The following ANGPTL2 variants were observed in gnomAD, a reference collection of about 807,000 sequenced individuals.
ANGPTL2 encodes the protein angiopoietin like 2, also known as angiopoietin-related protein 2.
A neutral mutation model predicts 52.8 loss-of-function variants in ANGPTL2; 25 were observed. The observed-to-expected ratio is 0.47, with a 90% CI of 0.35 to 0.66. The LOEUF is 0.66. ANGPTL2 is among the 30% of genes least tolerant of loss of function. ANGPTL2 has a pLI of 0.01. For missense variants in ANGPTL2, 546 were observed against 656.9 expected (o/e 0.83, Z 1.84); for synonymous variants, 276 against 277.4 (o/e 1.00, Z 0.05).
rs779182915 is a variant in ANGPTL2 at position 127,118,344 on chromosome 9, T to C, written c.-50+3971A>G. On this transcript the variant is annotated intron_variant, in intron 1 of 4. Coordinates refer to ENST00000373425, the MANE Select transcript of ANGPTL2 (RefSeq NM_012098.3). ...TAGAAACTACCCCCAGAATGAGGCT[T>C]CTGACGTGACCAGTGTATCACCACA... Among the ~76,000 whole-genome samples, 32 of 152,366 alleles carry C rather than the reference T, an allele frequency of 2.1e-4. No individual in the cohort carries two copies. In the East Asian group the frequency reaches 3.9e-3, roughly 18 times the overall value.
Position 127,093,778 on chromosome 9 carries a change from G to A in ANGPTL2, c.966C>T (p.Arg322=). The A allele has an allele frequency of 6.2e-7, 1 of 1,614,004 alleles. No individual in the cohort carries two copies. The highest frequency in any genetic ancestry group is 8.5e-7 in the Non-Finnish European group (1 of 1,180,004). Residue 322 remains arginine (R), a synonymous_variant, in exon 3 of 5, where the codon CGC becomes CGT. Transcript: ENST00000373425. ...TGAAGAAGTTAACAGAGCCATCCAG[G>A]CGTCTCTGGATGACGGTCCAGCCCC... ...DPGGWTVIQR[R]LDGSVNFFRN...
At chr9:127,113,844 G>C (rs1480322812) in intron 1 of ANGPTL2, among the ~76,000 whole-genome samples, 3 of 152,194 alleles carry the variant, frequency 2.0e-5, no homozygotes, top group African/African-American at 7.2e-5. Flanking sequence ...GCCTGATGTG[G>C]TGGGGCCACA....
rs2051919448 is a variant in ANGPTL2 at position 127,087,602 on chromosome 9, C to T, written c.*1337G>A. 6.6e-6 allele frequency: 1 copy of T among 152,398 alleles called. No individual in the cohort carries two copies. The highest frequency in any genetic ancestry group is 2.4e-5 in the African/African-American group (1 of 41,398). 9.4% of individuals were successfully genotyped at this position (152,398 alleles called of 1,614,324 possible). ...CCCTTGCCCCTTCTTGGCAATAGTCCCGGGAGTGCTGAGGCTGACACTTGG... is the reference window on the plus strand; with the variant it reads ...CCCTTGCCCCTTCTTGGCAATAGTCTCGGGAGTGCTGAGGCTGACACTTGG... On this transcript the variant is annotated 3_prime_UTR_variant, in exon 5 of 5. Coordinates refer to ENST00000373425, the MANE Select transcript of ANGPTL2 (RefSeq NM_012098.3).
rs1425882154 is a variant in ANGPTL2, at chr9:127,091,271, G to A, written c.1282+399C>T. Among the ~76,000 whole-genome samples, 2 of 152,212 alleles carry A rather than the reference G, an allele frequency of 1.3e-5. No individual in the cohort carries two copies. The highest frequency in any genetic ancestry group is 2.4e-5 in the African/African-American group (1 of 41,456). On this transcript the variant is annotated intron_variant, in intron 4 of 4. Coordinates refer to ENST00000373425, the MANE Select transcript of ANGPTL2 (RefSeq NM_012098.3). The surrounding 1 kb of genome is among the most constrained non-coding windows in gnomAD (Gnocchi z 4.3). ...AGGACACATGGCTGGTAGGAGGTGGGGCCAGCACTGGAGCCCAGGTGTGTG... is the reference window on the plus strand; with the variant it reads ...AGGACACATGGCTGGTAGGAGGTGGAGCCAGCACTGGAGCCCAGGTGTGTG...
intron 1 of ANGPTL2, among the ~76,000 whole-genome samples, chr9:127,109,012 G>A (rs2054540102): frequency 6.6e-6 from 1 of 152,202 alleles, no homozygotes; most frequent in Non-Finnish European, 1.5e-5. Flanking sequence ...CAGGGCATCT[G>A]AAGGCAGGAG....
At chr9:127,115,779 G>T (rs2055345999) in intron 1 of ANGPTL2, among the ~76,000 whole-genome samples, 1 of 152,250 alleles carries the variant, frequency 6.6e-6, no homozygotes, top group African/African-American at 2.4e-5. Flanking sequence ...GGAAAGAGCT[G>T]CTTGATCACG....
At chr9:127,110,356 G>A (rs1375719128) in intron 1 of ANGPTL2, among the ~76,000 whole-genome samples, 3 of 152,150 alleles carry the variant, frequency 2.0e-5, no homozygotes, top group East Asian at 3.9e-4. Flanking sequence ...CCTGCCTCCT[G>A]TCTTGCCGGC....
At position 127,109,438 on chromosome 9, in the gene ANGPTL2, G is replaced by A. The variant is rs190810318; in HGVS notation, c.-49-658C>T. On this transcript the variant is annotated intron_variant, in intron 1 of 4. Transcript: ENST00000373425. ...GGTTTAGTGGACAATATCAGTGGAAGGATGTGTCCAGTTACGTGGCTCTGG... is the reference window on the plus strand; with the variant it reads ...GGTTTAGTGGACAATATCAGTGGAAAGATGTGTCCAGTTACGTGGCTCTGG... 5.3e-5 allele frequency among the ~76,000 whole-genome samples: 8 copies of A among 152,344 alleles called. No individual in the cohort carries two copies. In the East Asian group the frequency reaches 7.7e-4, roughly 15 times the overall value.
chr9:127,108,892 CT>C, intron 1 of ANGPTL2, 112 bp from the exon 2 acceptor site: 1 of 753,792 alleles, frequency 1.3e-6, no homozygotes, highest in South Asian at 2.0e-5. Flanking sequence ...AAAAACTCTG[CT>C]TCAGGATGCT....
At chr9:127,121,562 CA>C (rs766273503) in intron 1 of ANGPTL2, among the ~76,000 whole-genome samples, 7 of 152,254 alleles carry the variant, frequency 4.6e-5, no homozygotes, top group Non-Finnish European at 7.3e-5. Context: ...AGGGAAGGAT[CA>C]GTGAAGAATT....
At position 127,093,766 on chromosome 9, in the gene ANGPTL2, A is replaced by G. The variant is rs777117299; in HGVS notation, c.978T>C (p.Ser326=). 5 of 1,613,954 alleles carry G rather than the reference A, an allele frequency of 3.1e-6. No homozygotes were observed. In the Admixed American group the frequency reaches 6.7e-5, roughly 22 times the overall value. ...WTVIQRRLDG[S]VNFFRNWETY... ...TCTCCCAGTTCCTGAAGAAGTTAAC[A>G]GAGCCATCCAGGCGTCTCTGGATGA... The change falls in exon 3 of 5, where the codon TCT becomes TCC. Residue 326 remains serine, a synonymous_variant. Coordinates refer to ENST00000373425, the MANE Select transcript of ANGPTL2 (RefSeq NM_012098.3).
chr9:127,119,309 C>G (rs2055794920), intron 1 of ANGPTL2, among the ~76,000 whole-genome samples: 1 of 152,178 alleles, frequency 6.6e-6, no homozygotes, highest in Non-Finnish European at 1.5e-5. Flanking sequence ...TGAGTAAGTC[C>G]ATGGTTTTCA....
intron 2 of ANGPTL2, among the ~76,000 whole-genome samples, chr9:127,095,999 T>G (rs1179289286): frequency 2.0e-5 from 3 of 152,214 alleles, no homozygotes; most frequent in African/African-American, 7.2e-5. Flanking sequence ...TCCCTTCATC[T>G]TCTGGGGAGG....
intron 1 of ANGPTL2, among the ~76,000 whole-genome samples, chr9:127,112,772 CCAA>C (rs1463579233): frequency 3.9e-5 from 6 of 152,220 alleles, no homozygotes; most frequent in Non-Finnish European, 7.3e-5. Context: ...TGAAACAAAA[CCAA>C]CAACAGTGAG....
chr9:127,120,620 G>A (rs1345893378), intron 1 of ANGPTL2, among the ~76,000 whole-genome samples: 1 of 152,170 alleles, frequency 6.6e-6, no homozygotes, highest in African/African-American at 2.4e-5. Context: ...TCAGGAGATC[G>A]AGACCATCCT....
intron 1 of ANGPTL2, among the ~76,000 whole-genome samples, chr9:127,119,375 C>T (rs992132456): frequency 2.0e-5 from 3 of 152,158 alleles, no homozygotes; most frequent in African/African-American, 4.8e-5. Flanking sequence ...TGGCTACTGA[C>T]GACACTGGGC....
intron 1 of ANGPTL2, among the ~76,000 whole-genome samples, chr9:127,115,552 G>T (rs2055318160): frequency 6.6e-6 from 1 of 152,234 alleles, no homozygotes; most frequent in Non-Finnish European, 1.5e-5. Context: ...TAGGTCGCTT[G>T]TTCAAGATCA....
intron 2 of ANGPTL2, among the ~76,000 whole-genome samples, chr9:127,099,190 G>T (rs1472539947): frequency 3.9e-5 from 6 of 152,174 alleles, no homozygotes; most frequent in African/African-American, 1.4e-4. Context: ...ACCACCTTAG[G>T]CCACTCAGAG....
At position 127,091,897 on chromosome 9, in the gene ANGPTL2, T is replaced by G; in HGVS notation, c.1055A>C (p.Glu352Ala). ...NIDGEYWLGL[E>A]NIYWLTNQGN... ...TTGGTTCGTCAGCCAGTAAATGTTC[T>G]CCAGGCCCAGCCAGTATTCGCCGTC... The change falls in exon 4 of 5, where the codon GAG becomes GCG. Residue 352 changes from glutamate to alanine, a missense_variant. This residue lies in a region of ANGPTL2 where 261 missense variants were observed against 361.0 expected (regional missense o/e 0.72). Transcript: ENST00000373425. This position sits in a 1 kb window ranked among gnomAD's most constrained non-coding sequence, Gnocchi z 4.3. 1 of 1,614,134 alleles carries G rather than the reference T, an allele frequency of 6.2e-7. No individual in the cohort carries two copies. The highest frequency in any genetic ancestry group is 8.5e-7 in the Non-Finnish European group (1 of 1,180,028).
Sources: gnomAD v4.1 joint callset for allele counts (sites outside exome capture counted in the v4.1 genomes callset) on GRCh38, gnomAD v4.1.1 for gene constraint, gnomAD v4.1.1 regional missense constraint, Gnocchi (gnomAD v3.1) non-coding constraint, MANE v1.5 for transcripts, NCBI Gene and HGNC (gene_info 2026-07-23, HGNC 2026-07-21) for gene names.